Variants in OSR2 observed in about 807,000 individuals in gnomAD.
OSR2 encodes protein odd-skipped-related 2.
A neutral mutation model predicts 22.3 loss-of-function variants in OSR2; 8 were observed. That is an observed-to-expected ratio of 0.36 (90% CI 0.21 to 0.65). The LOEUF is 0.65. Among genes scored for constraint, OSR2 ranks in the 30% least tolerant of loss-of-function variants. OSR2 has a pLI of 0.66. For synonymous variants in OSR2, 179 were observed against 173.8 expected, an observed-to-expected ratio of 1.03 and a Z score of -0.23; for missense variants, 311 against 413.4, an observed-to-expected ratio of 0.75 and a Z score of 2.15.
At chr8:98,945,037 C>T (rs983447849) in intron 1 of OSR2, among the ~76,000 whole-genome samples, 1 of 152,232 alleles carries the variant, frequency 6.6e-6, no homozygotes. Context: ...TTTCTACATA[C>T]TGTTTCTTAA....
Position 98,949,541 on chromosome 8 carries a change from G to A in OSR2, c.589G>A (p.Glu197Lys). Residue 197 changes from glutamate (E) to lysine (K), a missense_variant, in exon 2 of 4, where the codon GAG (glutamate) becomes AAG (lysine). Glu to Lys is a moderately conservative substitution (Grantham distance 56). Coordinates refer to ENST00000297565, the MANE Select transcript of OSR2 (RefSeq NM_001142462.3). This position sits in a 1 kb window ranked among gnomAD's most constrained non-coding sequence, Gnocchi z 5.9. Reference protein sequence around the residue: ...LLIHERTHTDERPYTCDICHK... With the variant: ...LLIHERTHTDKRPYTCDICHK... Reference sequence around the variant, plus strand: ...CATCCATGAGAGGACCCACACGGACGAGAGGCCGTACACGTGTGACATCTG... The same window carrying A: ...CATCCATGAGAGGACCCACACGGACAAGAGGCCGTACACGTGTGACATCTG... 1.2e-6 allele frequency: 2 copies of A among 1,614,142 alleles called. No individual in the cohort carries two copies. The highest frequency in any genetic ancestry group is 1.7e-6 in the Non-Finnish European group (2 of 1,180,008).
At chr8:98,945,943 T>G (rs540585962) in intron 1 of OSR2, 2 of 152,338 alleles carry the variant, frequency 1.3e-5, no homozygotes, top group East Asian at 3.9e-4. Flanking sequence ...ATATTATTTT[T>G]AGATAATTCA....
At position 98,949,441 on chromosome 8, in the gene OSR2, G is replaced by A. The variant is rs1840720796; in HGVS notation, c.489G>A (p.Arg163=). ...CGGACAGAAAGCCCTCTCGAGGAAG[G>A]TTGCCCTCCAAAACGAAAAAAGAGT... ...LTPDRKPSRG[R]LPSKTKKEFI... Residue 163 remains arginine (R), a synonymous_variant, in exon 2 of 4, where the codon AGG becomes AGA. Transcript: ENST00000297565. This position sits in a 1 kb window ranked among gnomAD's most constrained non-coding sequence, Gnocchi z 5.9. 1.2e-6 allele frequency: 2 copies of A among 1,614,052 alleles called. No homozygotes were observed. Among genetic ancestry groups the A allele is most frequent in the African/African-American group, 1.3e-5 (1 of 75,062 alleles).
chr8:98,946,580 A>G (rs1411452858), intron 1 of OSR2, among the ~76,000 whole-genome samples: 2 of 152,148 alleles, frequency 1.3e-5, no homozygotes, highest in African/African-American at 2.4e-5. Context: ...TTTTTTACTA[A>G]CATGAACCTG....
intron 1 of OSR2, among the ~76,000 whole-genome samples, chr8:98,946,681 T>C (rs1587887674): frequency 1.3e-5 from 2 of 152,328 alleles, no homozygotes; most frequent in East Asian, 1.9e-4. Flanking sequence ...GTAACCTTTA[T>C]GGCAGAGTTC....
chr8:98,951,837 C>A lies in OSR2; in HGVS notation c.*136C>A. 3 of 811,148 alleles carry A rather than the reference C, an allele frequency of 3.7e-6. No individual in the cohort carries two copies. The highest frequency in any genetic ancestry group is 5.7e-6 in the Non-Finnish European group (3 of 528,396). The allele number at this position is 811,148 out of a possible 1,614,324, so 50.2% of individuals were successfully genotyped here. On this transcript the variant is annotated 3_prime_UTR_variant, in exon 4 of 4. Coordinates refer to ENST00000297565, the MANE Select transcript of OSR2 (RefSeq NM_001142462.3). ...CTTGCTGCAGCCGCACCTGCAGCTC[C>A]AGGGAGTTAACTCTTCTTCTGGGGG...
chr8:98,944,926 G>C (rs943484521), intron 1 of OSR2, 103 bp downstream of exon 1: 1 of 152,248 alleles, frequency 6.6e-6, no homozygotes, highest in Admixed American at 6.5e-5. Context: ...CCCAAATTCA[G>C]ATGTGAAAAT....
In OSR2 at chr8:98,949,194, C is replaced by T. The variant is rs751081954; in HGVS notation, c.242C>T (p.Ala81Val). 1.3e-6 allele frequency: 2 copies of T among 1,592,304 alleles called. No homozygotes were observed. Among genetic ancestry groups the T allele is most frequent in the South Asian group, 1.1e-5 (1 of 87,486 alleles). The change falls in exon 2 of 4, where the codon GCG becomes GTG. Residue 81 changes from alanine (A) to valine (V), a missense_variant. By Grantham distance (64) the Ala-to-Val change is moderately conservative. Around this residue, in one of 5 missense-constraint regions of OSR2, gnomAD observed 146 missense variants for 160.5 expected, o/e 0.91. Coordinates refer to ENST00000297565, the MANE Select transcript of OSR2 (RefSeq NM_001142462.3). The surrounding 1 kb of genome is among the most constrained non-coding windows in gnomAD (Gnocchi z 5.9). The part of the protein sequence containing the change: ...EMAAAQGLVD[A>V]RFPFPALPFT... ...GCGGCGGCGCAGGGCCTCGTGGACG[C>T]GCGCTTCCCCTTCCCGGCCCTGCCT...
In OSR2 at chr8:98,949,417, G is replaced by C. The variant is rs1465583657; in HGVS notation, c.465G>C (p.Pro155=). The C allele has an allele frequency of 6.2e-7, 1 of 1,613,842 alleles. No homozygotes were observed. Among genetic ancestry groups the C allele is most frequent in the African/African-American group, 1.3e-5 (1 of 74,940 alleles). Residue 155 remains proline, a synonymous_variant, in exon 2 of 4, where the codon CCG becomes CCC. Transcript: ENST00000297565. The surrounding 1 kb of genome is among the most constrained non-coding windows in gnomAD (Gnocchi z 5.9). The part of the protein sequence containing the change: ...SPISGLSKLT[P]DRKPSRGRLP... The stretch of plus-strand genomic sequence containing the variant: ...TCTCGGGCCTCAGTAAATTGACTCC[G>C]GACAGAAAGCCCTCTCGAGGAAGGT...
At chr8:98,947,547 G>A (rs933092127) in intron 1 of OSR2, among the ~76,000 whole-genome samples, 3 of 152,312 alleles carry the variant, frequency 2.0e-5, no homozygotes, top group South Asian at 4.1e-4. Context: ...CTGGTCCCCC[G>A]AACTGGCAGA....
At position 98,948,958 on chromosome 8, in the gene OSR2, G is replaced by A; in HGVS notation, c.6G>A (p.Gly2=). The A allele has an allele frequency of 6.2e-7, 1 of 1,613,934 alleles. No homozygotes were observed. The highest frequency in any genetic ancestry group is 1.3e-5 in the African/African-American group (1 of 75,062). Residue 2 remains glycine, a synonymous_variant, in exon 2 of 4, where the codon GGG becomes GGA. Transcript: ENST00000297565. The surrounding 1 kb of genome is among the most constrained non-coding windows in gnomAD (Gnocchi z 6.0). M[G]SKALPAPIPL... The stretch of plus-strand genomic sequence containing the variant: ...CACCCCCAGCATCCCGGAAAATGGG[G>A]AGCAAGGCTCTGCCAGCGCCCATCC...
At chr8:98,946,520 T>G (rs1367351272) in intron 1 of OSR2, among the ~76,000 whole-genome samples, 1 of 152,218 alleles carries the variant, frequency 6.6e-6, no homozygotes, top group East Asian at 1.9e-4. Flanking sequence ...ATGAAGAAAC[T>G]ATCTGCCCTA....
At position 98,948,701 on chromosome 8, in the gene OSR2, C is replaced by T; in HGVS notation, c.-114-138C>T. 1 of 1,153,082 alleles carries T rather than the reference C, an allele frequency of 8.7e-7. No individual in the cohort carries two copies. The highest frequency in any genetic ancestry group is 1.2e-6 in the Non-Finnish European group (1 of 841,094). 71.4% of individuals were successfully genotyped at this position (1,153,082 alleles called of 1,614,324 possible). A position where few individuals can be genotyped will look rare whatever the true frequency, so the allele number is the denominator to read the frequency against. ...CAGGTGCCAAGGTGCCACGCAGTCC[C>T]CTCACGGCTTTCGGGGGGTCTTGGA... is the stretch of plus-strand genomic sequence containing the variant. On this transcript the variant is annotated intron_variant, in intron 1 of 3. Transcript: ENST00000297565. The surrounding 1 kb of genome is among the most constrained non-coding windows in gnomAD (Gnocchi z 6.0).
At position 98,949,599 on chromosome 8, in the gene OSR2, G is replaced by A; in HGVS notation, c.647G>A (p.Arg216Gln). Residue 216 changes from arginine to glutamine, a missense_variant, in exon 2 of 4, where the codon CGG becomes CAG. By Grantham distance (43) the Arg-to-Gln change is conservative (BLOSUM62 1). This residue lies in a region of OSR2 where 39 missense variants were observed against 90.5 expected (regional missense o/e 0.43). Transcript: ENST00000297565. The surrounding 1 kb of genome is among the most constrained non-coding windows in gnomAD (Gnocchi z 5.9). ...HKAFRRQDHL[R>Q]DHRYIHSKEK... is the part of the protein sequence containing the mutation. Reference sequence around the variant, plus strand: ...GCCTTCCGGAGGCAAGATCACCTGCGGGATCACAGGTGAGGCGGGCAAGGA... The same window carrying A: ...GCCTTCCGGAGGCAAGATCACCTGCAGGATCACAGGTGAGGCGGGCAAGGA... 1.2e-6 allele frequency: 2 copies of A among 1,609,388 alleles called. No individual in the cohort carries two copies. The highest frequency in any genetic ancestry group is 1.7e-6 in the Non-Finnish European group (2 of 1,176,660).
chr8:98,951,349 A>G (rs1238746623), intron 3 of OSR2, among the ~76,000 whole-genome samples, 170 bp from the exon 4 acceptor site: 1 of 152,068 alleles, frequency 6.6e-6, no homozygotes, highest in Non-Finnish European at 1.5e-5. Context: ...CTGCACGTGT[A>G]TTTTCATGAT....
At position 98,949,278 on chromosome 8, in the gene OSR2, T is replaced by G. The variant is rs762449769; in HGVS notation, c.326T>G (p.Leu109Arg). 3.7e-6 allele frequency: 6 copies of G among 1,612,540 alleles called. No homozygotes were observed. The South Asian group carries it at 6.6e-5, about 18-fold the overall frequency. Residue 109 changes from leucine to arginine, a missense_variant, in exon 2 of 4, where the codon CTG becomes CGG. Coordinates refer to ENST00000297565, the MANE Select transcript of OSR2 (RefSeq NM_001142462.3). This position sits in a 1 kb window ranked among gnomAD's most constrained non-coding sequence, Gnocchi z 5.9. ...GCCATTGCCCACGTCCTCCCAGCCCTGCACAAGGACCGGCCCCGTTTTGAC... is the reference window on the plus strand; with the variant it reads ...GCCATTGCCCACGTCCTCCCAGCCCGGCACAAGGACCGGCCCCGTTTTGAC... The part of the protein sequence containing the change: ...QGAIAHVLPA[L>R]HKDRPRFDFA...
At chr8:98,947,840 G>A (rs1840654474) in intron 1 of OSR2, among the ~76,000 whole-genome samples, 1 of 152,116 alleles carries the variant, frequency 6.6e-6, no homozygotes, top group Non-Finnish European at 1.5e-5. Context: ...CCTCCCCGGA[G>A]CGCTCTCCTC....
intron 3 of OSR2, chr8:98,951,071 C>A: frequency 1.8e-6 from 1 of 543,848 alleles, no homozygotes; most frequent in Non-Finnish European, 3.2e-6. Flanking sequence ...ATAATGGAGG[C>A]ATAGTGAAAT....
chr8:98,952,063 T>G lies in OSR2; in HGVS notation c.*362T>G, dbSNP rs1840799931. 5.7e-6 allele frequency: 1 copy of G among 176,400 alleles called. No individual in the cohort carries two copies. The allele number at this position is 176,400 out of a possible 1,614,324, so 10.9% of individuals were successfully genotyped here. Reference sequence around the variant, plus strand: ...AGCCAAATTTTATCTTTAAAGACTGTATTTTCAAAATAAAACTTTTTCTTG... The same window carrying G: ...AGCCAAATTTTATCTTTAAAGACTGGATTTTCAAAATAAAACTTTTTCTTG... On this transcript the variant is annotated 3_prime_UTR_variant, in exon 4 of 4. Transcript: ENST00000297565.
Sources: gnomAD v4.1 joint callset for allele counts (sites outside exome capture counted in the v4.1 genomes callset) on GRCh38, gnomAD v4.1.1 for gene constraint, gnomAD v4.1.1 regional missense constraint, Gnocchi (gnomAD v3.1) non-coding constraint, MANE v1.5 for transcripts, NCBI Gene and HGNC (gene_info 2026-07-23, HGNC 2026-07-21) for gene names.